The following CSMD3 variants were observed in gnomAD, a reference collection of about 807,000 sequenced individuals.
CSMD3 encodes CUB and Sushi multiple domains 3, also known as CUB and sushi domain-containing protein 3.
Under a neutral mutation model 435.2 loss-of-function variants are expected in CSMD3, and 177 were observed. The observed-to-expected ratio is 0.41, with a 90% CI of 0.36 to 0.46. CSMD3 has a LOEUF of 0.46. Among genes scored for constraint, CSMD3 ranks in the 20% least tolerant of loss-of-function variants. The pLI, the probability that CSMD3 is intolerant of heterozygous loss-of-function variation, is 0.34. For synonymous variants in CSMD3, 1,656 were observed against 1,520.5 expected, an observed-to-expected ratio of 1.09 and a Z score of -2.07; for missense variants, 4,265 against 4,504.6, an observed-to-expected ratio of 0.95 and a Z score of 1.52.
intron 1 of CSMD3, among the ~76,000 whole-genome samples, chr8:113,383,289 G>A (rs1037932178): frequency 3.3e-5 from 5 of 152,096 alleles, no homozygotes; most frequent in Non-Finnish European, 5.9e-5. Flanking sequence ...AAGCAAGGTA[G>A]TTACCTGTGC....
At chr8:112,744,384 G>T (rs985998728) in intron 13 of CSMD3, among the ~76,000 whole-genome samples, 1 of 152,022 alleles carries the variant, frequency 6.6e-6, no homozygotes, top group African/African-American at 2.4e-5. Context: ...TTTGAAATAA[G>T]TAATTGAAAT....
intron 35 of CSMD3, among the ~76,000 whole-genome samples, chr8:112,391,898 T>C (rs1830449422): frequency 6.6e-6 from 1 of 152,140 alleles, no homozygotes; most frequent in Admixed American, 6.5e-5. Context: ...GAAAGTAAAA[T>C]TCTCATGCCA....
At chr8:112,226,709 T>C (rs1023936919) in intron 70 of CSMD3, among the ~76,000 whole-genome samples, 11 of 151,996 alleles carry the variant, frequency 7.2e-5, no homozygotes, top group African/African-American at 2.7e-4. Flanking sequence ...TACAACCAAA[T>C]AAGACAAACA....
Position 112,462,891 on chromosome 8 carries a change from C to T in CSMD3, c.5395+9700G>A, listed in dbSNP as rs146040158. On this transcript the variant is annotated intron_variant, in intron 32 of 70. Coordinates refer to ENST00000297405, the MANE Select transcript of CSMD3 (RefSeq NM_198123.2). ...GCACTCACCTGTACACAGAAACTCT[C>T]ACCCCACTGCTACTCCATAATCACA... Among the ~76,000 whole-genome samples, 8 of 152,282 alleles carry T rather than the reference C, an allele frequency of 5.3e-5. No homozygotes were observed. The East Asian group carries it at 1.4e-3, about 26-fold the overall frequency.
intron 2 of CSMD3, among the ~76,000 whole-genome samples, chr8:113,303,234 A>G (rs773218446): frequency 0.02 from 2,667 of 136,146 alleles, 26 homozygotes; most frequent in Middle Eastern, 0.041. Flanking sequence ...AAGGAGAACT[A>G]CAAACCACTG....
chr8:112,321,072 CT>C (rs552162146), intron 45 of CSMD3, among the ~76,000 whole-genome samples: 22 of 151,144 alleles, frequency 1.5e-4, no homozygotes, highest in South Asian at 6.3e-4. Flanking sequence ...TGATTGAAGT[CT>C]TTTTTTTTCC....
chr8:112,443,030 T>G lies in CSMD3; in HGVS notation c.5395+29561A>C, dbSNP rs1355098826. On this transcript the variant is annotated intron_variant, in intron 32 of 70. Transcript: ENST00000297405. Reference sequence around the variant, plus strand: ...TTTCTTAGTCTCTATCCTAATAATATAATCCCCTTTTTCCTTTTTCTTTGT... The same window carrying G: ...TTTCTTAGTCTCTATCCTAATAATAGAATCCCCTTTTTCCTTTTTCTTTGT... 2.0e-5 allele frequency among the ~76,000 whole-genome samples: 3 copies of G among 152,216 alleles called. No homozygotes were observed. In the East Asian group the frequency reaches 5.8e-4, roughly 29 times the overall value.
chr8:112,697,659 G>A (rs191792292), intron 13 of CSMD3, among the ~76,000 whole-genome samples: 1 of 152,056 alleles, frequency 6.6e-6, no homozygotes, highest in East Asian at 1.9e-4. Context: ...AATGGGTGCA[G>A]CACACCAACA....
intron 2 of CSMD3, chr8:113,314,273 T>G (rs1474352933): frequency 6.1e-6 from 2 of 326,216 alleles, no homozygotes; most frequent in Non-Finnish European, 1.1e-5. Context: ...ATATCCATAA[T>G]GAATGAAACC....
chr8:112,876,517 G>T (rs2081286394), intron 10 of CSMD3, among the ~76,000 whole-genome samples: 1 of 152,122 alleles, frequency 6.6e-6, no homozygotes, highest in African/African-American at 2.4e-5. Flanking sequence ...GGGATGCAAG[G>T]CTGGTTCAAT....
intron 35 of CSMD3, among the ~76,000 whole-genome samples, chr8:112,405,910 A>C (rs746092266): frequency 1.3e-5 from 2 of 152,124 alleles, no homozygotes; most frequent in Non-Finnish European, 2.9e-5. Flanking sequence ...TGACTACCAG[A>C]GTCTGAGAAC....
chr8:113,126,763 T>TA (rs1312018351), intron 4 of CSMD3, among the ~76,000 whole-genome samples: 3 of 151,848 alleles, frequency 2.0e-5, no homozygotes, highest in African/African-American at 2.4e-5. Flanking sequence ...ACAATTAATT[T>TA]AAAAAACAGC....
chr8:113,210,500 T>C (rs958877662), intron 3 of CSMD3, among the ~76,000 whole-genome samples: 1 of 152,098 alleles, frequency 6.6e-6, no homozygotes, highest in African/African-American at 2.4e-5. Flanking sequence ...AAAATGTACA[T>C]ATTTTATATA....
At chr8:112,382,291 C>CAAAAAAAAAAAAAAAAAAA (rs11384093) in intron 37 of CSMD3, among the ~76,000 whole-genome samples, 8 of 116,744 alleles carry the variant, frequency 6.9e-5, no homozygotes, top group Middle Eastern at 4.7e-3. Context: ...CTCTAAAATG[C>CAAAAAAAAAAAAAAAAAAA]AAAAAAAAAA....
At chr8:112,813,393 A>G (rs1195575619) in intron 12 of CSMD3, among the ~76,000 whole-genome samples, 1 of 152,216 alleles carries the variant, frequency 6.6e-6, no homozygotes, top group African/African-American at 2.4e-5. Context: ...CTTAGGTTTT[A>G]TCTACTTTAT....
chr8:113,163,606 A>G (rs902367624), intron 4 of CSMD3, among the ~76,000 whole-genome samples: 1 of 152,058 alleles, frequency 6.6e-6, no homozygotes, highest in African/African-American at 2.4e-5. Context: ...GATAATATTA[A>G]TGCAAAAACA....
chr8:112,340,972 T>C (rs1338285058), intron 42 of CSMD3, among the ~76,000 whole-genome samples: 4 of 152,104 alleles, frequency 2.6e-5, no homozygotes, highest in Admixed American at 2.6e-4. Flanking sequence ...GGTCATGCAG[T>C]AGTTCTGTTT....
intron 12 of CSMD3, among the ~76,000 whole-genome samples, chr8:112,822,938 A>G (rs2079568179): frequency 6.6e-6 from 1 of 152,184 alleles, no homozygotes; most frequent in African/African-American, 2.4e-5. Flanking sequence ...GATTACACTT[A>G]TTAATTTGCA....
chr8:113,030,675 T>A (rs1289875960), intron 5 of CSMD3, among the ~76,000 whole-genome samples: 3 of 150,794 alleles, frequency 2.0e-5, no homozygotes, highest in African/African-American at 7.3e-5. Flanking sequence ...TTGGACATCA[T>A]CAAAATTAAA....
Sources: gnomAD v4.1 joint callset for allele counts (sites outside exome capture counted in the v4.1 genomes callset) on GRCh38, gnomAD v4.1.1 for gene constraint, MANE v1.5 for transcripts, NCBI Gene and HGNC (gene_info 2026-07-23, HGNC 2026-07-21) for gene names.